The following ZFAND3 variants were observed in gnomAD, a reference collection of about 807,000 sequenced individuals.
ZFAND3 encodes zinc finger AN1-type containing 3.
ZFAND3 carries 10 observed loss-of-function variants against 29.6 expected under a neutral mutation model. The ratio of observed to expected loss-of-function variants is 0.34; its 90% CI spans 0.21 to 0.57. The LOEUF (loss-of-function observed/expected upper bound fraction) is 0.57, where lower values mean the gene tolerates loss of function less well. Among genes scored for constraint, ZFAND3 ranks in the 20% least tolerant of loss-of-function variants. The pLI is 0.86. For missense variants in ZFAND3, 230 were observed against 304.5 expected (o/e 0.76, Z 1.82); for synonymous variants, 128 against 112.6 (o/e 1.14, Z -0.87).
chr6:38,102,199 A>G (rs758269303), intron 4 of ZFAND3, among the ~76,000 whole-genome samples: 2 of 151,974 alleles, frequency 1.3e-5, no homozygotes, highest in African/African-American at 4.8e-5. Flanking sequence ...AGAGTACTGA[A>G]CATAGCTGAT....
chr6:38,065,209 G>T (rs79017073), intron 3 of ZFAND3, among the ~76,000 whole-genome samples: 1 of 151,964 alleles, frequency 6.6e-6, no homozygotes, highest in African/African-American at 2.4e-5. Context: ...CCAGCTACTC[G>T]GGAGGCTGAG....
intron 2 of ZFAND3, among the ~76,000 whole-genome samples, chr6:37,988,366 C>T (rs1255841023): frequency 6.6e-6 from 1 of 152,184 alleles, no homozygotes; most frequent in Non-Finnish European, 1.5e-5. Flanking sequence ...GCTTTTACTC[C>T]TGCCAAACTT....
chr6:38,049,119 C>G (rs1364885085), intron 2 of ZFAND3, among the ~76,000 whole-genome samples: 1 of 152,188 alleles, frequency 6.6e-6, no homozygotes, highest in East Asian at 1.9e-4. Context: ...TTCACACATT[C>G]ATGATACCCA....
At chr6:37,865,885 T>C (rs1204061975) in intron 1 of ZFAND3, among the ~76,000 whole-genome samples, 5 of 152,220 alleles carry the variant, frequency 3.3e-5, no homozygotes, top group Non-Finnish European at 7.3e-5. Context: ...ACTATGAAAC[T>C]AGGAGTGGGG....
chr6:37,908,542 T>TAAA (rs70981504), intron 1 of ZFAND3, among the ~76,000 whole-genome samples: 1 of 124,128 alleles, frequency 8.1e-6, no homozygotes, highest in Non-Finnish European at 1.7e-5. Context: ...AAAAAAAAAT[T>TAAA]AAAAAAAAAA....
intron 2 of ZFAND3, among the ~76,000 whole-genome samples, chr6:37,939,000 A>T (rs1316795723): frequency 6.6e-6 from 1 of 152,162 alleles, no homozygotes; most frequent in Non-Finnish European, 1.5e-5. Flanking sequence ...TGTTGGTCTA[A>T]AGCTGTAGTC....
intron 1 of ZFAND3, among the ~76,000 whole-genome samples, chr6:37,830,642 T>C (rs1288048169): frequency 6.6e-6 from 1 of 152,244 alleles, no homozygotes; most frequent in Non-Finnish European, 1.5e-5. Context: ...AAATGCTTCA[T>C]GGTTTCTCTT....
chr6:38,088,075 G>A (rs780590544), intron 4 of ZFAND3, among the ~76,000 whole-genome samples: 70 of 152,314 alleles, frequency 4.6e-4, no homozygotes, highest in Non-Finnish European at 8.4e-4. Flanking sequence ...TCTCCTGGTA[G>A]AGTCAATATT....
chr6:37,844,072 C>T (rs925662823), intron 1 of ZFAND3, among the ~76,000 whole-genome samples: 7 of 152,120 alleles, frequency 4.6e-5, no homozygotes, highest in Middle Eastern at 3.4e-3. Context: ...ACCACCACGC[C>T]TGGCTTTTTT....
At chr6:37,912,524 G>C (rs1238829146) in intron 1 of ZFAND3, among the ~76,000 whole-genome samples, 2 of 152,160 alleles carry the variant, frequency 1.3e-5, no homozygotes, top group Non-Finnish European at 2.9e-5. Flanking sequence ...GTATCCCAAA[G>C]TGCTGAGAAA....
At chr6:37,925,385 A>G (rs567957000) in intron 1 of ZFAND3, among the ~76,000 whole-genome samples, 1 of 152,260 alleles carries the variant, frequency 6.6e-6, no homozygotes, top group South Asian at 2.1e-4. Flanking sequence ...TTGTATCTGT[A>G]AGACTACAGG....
chr6:37,900,898 T>C (rs1229133585), intron 1 of ZFAND3, among the ~76,000 whole-genome samples: 2 of 152,164 alleles, frequency 1.3e-5, no homozygotes, highest in Admixed American at 6.5e-5. Flanking sequence ...GAGTTTAAAA[T>C]AGGATATACC....
chr6:37,930,285 C>A (rs1203556484), intron 2 of ZFAND3, among the ~76,000 whole-genome samples: 4 of 152,146 alleles, frequency 2.6e-5, no homozygotes, highest in Admixed American at 2.6e-4. Context: ...GTAAAAAATG[C>A]GTGCTCATCT....
At chr6:37,938,972 G>A (rs1761752978) in intron 2 of ZFAND3, among the ~76,000 whole-genome samples, 1 of 152,112 alleles carries the variant, frequency 6.6e-6, no homozygotes, top group Non-Finnish European at 1.5e-5. Flanking sequence ...CTGTCACTTG[G>A]CTTTATTTCT....
chr6:37,924,822 C>CAAAAAATA (rs1761452943), intron 1 of ZFAND3, among the ~76,000 whole-genome samples: 1 of 151,518 alleles, frequency 6.6e-6, no homozygotes, highest in East Asian at 1.9e-4. Flanking sequence ...CTCAAAAAAA[C>CAAAAAATA]AAAAAATAAA....
At chr6:38,003,276 G>A (rs1319156367) in intron 2 of ZFAND3, 1 of 153,504 alleles carries the variant, frequency 6.5e-6, no homozygotes, top group Non-Finnish European at 1.5e-5. Flanking sequence ...GATCTCATAA[G>A]TGTGCTTCTG....
intron 2 of ZFAND3, among the ~76,000 whole-genome samples, chr6:38,031,551 G>C (rs1763559376): frequency 6.6e-6 from 1 of 152,118 alleles, no homozygotes; most frequent in African/African-American, 2.4e-5. Flanking sequence ...CTGGAGGAAA[G>C]TTCTCAGACT....
intron 4 of ZFAND3, among the ~76,000 whole-genome samples, chr6:38,088,543 C>G (rs1333359543): frequency 6.6e-6 from 1 of 152,132 alleles, no homozygotes; most frequent in Non-Finnish European, 1.5e-5. Context: ...GCTTGTAACT[C>G]AAAGGGTAAA....
At chr6:38,047,979 T>TG (rs1417113629) in intron 2 of ZFAND3, among the ~76,000 whole-genome samples, 3 of 150,958 alleles carry the variant, frequency 2.0e-5, no homozygotes, top group Non-Finnish European at 4.4e-5. Flanking sequence ...TTTTGTTTTT[T>TG]TTTTTTTTAC....
Sources: allele counts gnomAD v4.1 joint callset (sites outside exome capture counted in the v4.1 genomes callset), GRCh38; gene constraint gnomAD v4.1.1; transcripts MANE v1.5; gene names NCBI Gene and HGNC (gene_info 2026-07-23, HGNC 2026-07-21).